Variants in MYOM2 observed in about 807,000 individuals in gnomAD.
The protein encoded by MYOM2 is myomesin 2.
A neutral mutation model predicts 187.6 loss-of-function variants in MYOM2; 254 were observed. The ratio of observed to expected loss-of-function variants is 1.35; its 90% CI spans 1.22 to 1.50. The LOEUF is 1.50. Among genes scored for constraint, MYOM2 ranks in the 40% most tolerant of loss-of-function variants. MYOM2 has a pLI of 0.00. For synonymous variants in MYOM2, 981 were observed against 753.8 expected, an observed-to-expected ratio of 1.30 and a Z score of -4.94; for missense variants, 2,796 against 1,924.0, an observed-to-expected ratio of 1.45 and a Z score of -8.48.
chr8:2,079,604 G>A lies in MYOM2; in HGVS notation c.1507G>A (p.Asp503Asn), dbSNP rs1056963779. 1 of 1,614,038 alleles carries A rather than the reference G, an allele frequency of 6.2e-7. No homozygotes were observed. Among genetic ancestry groups the A allele is most frequent in the African/African-American group, 1.3e-5 (1 of 74,906 alleles). ...GAAGGAGATTGCCATTTATCAGGAT[G>A]ACCTTGAAGGTAAGTAGCACCTCAT... ...GEKEIAIYQD[D>N]LEGDAQVPGP... is the part of the protein sequence containing the mutation. Residue 503 changes from aspartate (D) to asparagine (N), a missense_variant, in exon 13 of 37, where the codon GAC becomes AAC. Transcript: ENST00000262113.
At chr8:2,078,974 C>A (rs199500275) in intron 12 of MYOM2, 41 bp downstream of exon 12, 3 of 1,592,902 alleles carry the variant, frequency 1.9e-6, no homozygotes, top group South Asian at 1.1e-5. Context: ...GCCCAGGAAG[C>A]TTTGGCTGTT....
chr8:2,140,095 C>T (rs1479672493), intron 32 of MYOM2, among the ~76,000 whole-genome samples: 2 of 152,126 alleles, frequency 1.3e-5, no homozygotes, highest in Non-Finnish European at 2.9e-5. Flanking sequence ...CCCCTGGTAC[C>T]CACAGTTCTA....
chr8:2,092,330 T>C lies in MYOM2; in HGVS notation c.1829-16T>C. 1 of 1,612,684 alleles carries C rather than the reference T, an allele frequency of 6.2e-7. No individual in the cohort carries two copies. Among genetic ancestry groups the C allele is most frequent in the African/African-American group, 1.3e-5 (1 of 75,042 alleles). On this transcript the variant is annotated splice_polypyrimidine_tract_variant and intron_variant, in intron 15 of 36. Coordinates refer to ENST00000262113, the MANE Select transcript of MYOM2 (RefSeq NM_003970.4). ...TCTGATGCCATTTCACCACTCCTTTTGTCTCCTACGAAAAGTTGTCCCTTC... is the reference window on the plus strand; with the variant it reads ...TCTGATGCCATTTCACCACTCCTTTCGTCTCCTACGAAAAGTTGTCCCTTC...
chr8:2,094,291 A>C (rs1796408242), intron 17 of MYOM2, among the ~76,000 whole-genome samples, 200 bp downstream of exon 17: 1 of 152,220 alleles, frequency 6.6e-6, no homozygotes, highest in African/African-American at 2.4e-5. Flanking sequence ...GAGAAATGAT[A>C]ATACACTAAT....
At chr8:2,063,795 G>A (rs10110668) in intron 6 of MYOM2, among the ~76,000 whole-genome samples, 55,770 of 152,144 alleles carry the variant, frequency 0.37, 10,507 homozygotes, top group Non-Finnish European at 0.39. Flanking sequence ...TTCTCCCAGG[G>A]GGTTGTTTTA....
chr8:2,086,923 T>C (rs1796112070), intron 14 of MYOM2, among the ~76,000 whole-genome samples: 1 of 150,150 alleles, frequency 6.7e-6, no homozygotes, highest in South Asian at 2.1e-4. Flanking sequence ...ACTCGCCAGA[T>C]ATCCAATAGA....
intron 21 of MYOM2, among the ~76,000 whole-genome samples, chr8:2,105,195 G>A (rs993321180): frequency 2.6e-5 from 4 of 152,146 alleles, no homozygotes; most frequent in African/African-American, 9.7e-5. Context: ...TGACCTGAGT[G>A]TCAGGAAGCA....
intron 3 of MYOM2, among the ~76,000 whole-genome samples, chr8:2,055,131 T>G (rs61635219): frequency 0.1 from 2,292 of 22,010 alleles, 45 homozygotes; most frequent in East Asian, 0.44. Context: ...GATACTGGGG[T>G]AACCAAGTAC....
chr8:2,086,381 GTGGCCTCC>G lies in MYOM2; in HGVS notation c.1644+992_1644+999del, dbSNP rs2116710596. 3.5e-5 allele frequency among the ~76,000 whole-genome samples: 4 copies of G among 113,008 alleles called. 1 individual carries two copies. In the South Asian group the frequency reaches 8.7e-4, roughly 24 times the overall value. The allele number at this position is 113,008 out of a possible 152,430, so 74.1% of individuals were successfully genotyped here. ...GGCCTCCCACTGTTGTGATCTCTGC[GTGGCCTCC>G]CACTGTTGTGATCTCTGCGTGGCCT... On this transcript the variant is annotated intron_variant, in intron 14 of 36. Coordinates refer to ENST00000262113, the MANE Select transcript of MYOM2 (RefSeq NM_003970.4).
intron 31 of MYOM2, among the ~76,000 whole-genome samples, chr8:2,127,309 G>A (rs919155843): frequency 6.6e-6 from 1 of 152,062 alleles, no homozygotes; most frequent in South Asian, 2.1e-4. Flanking sequence ...CTGCCTTACA[G>A]ATTTTCAATA....
intron 23 of MYOM2, among the ~76,000 whole-genome samples, chr8:2,107,165 G>A (rs556174063): frequency 6.6e-6 from 1 of 152,258 alleles, no homozygotes; most frequent in Admixed American, 6.5e-5. Flanking sequence ...GTCTCATGCA[G>A]GCAGGGCTGA....
chr8:2,125,105 T>C lies in MYOM2; in HGVS notation c.3694+888T>C, dbSNP rs143233127. ...TTTTAGTTTTGTGCAGTACCATTTA[T>C]TTACTTTTGCTTTTGTTGCCTGTAT... On this transcript the variant is annotated intron_variant, in intron 31 of 36. Transcript: ENST00000262113. 2.9e-3 allele frequency among the ~76,000 whole-genome samples: 447 copies of C among 152,336 alleles called. 3 individuals carry two copies. Among genetic ancestry groups the C allele is most frequent in the Non-Finnish European group, 5.1e-3 (348 of 68,026 alleles).
At chr8:2,144,514 G>T in intron 36 of MYOM2, 150 bp from the exon 37 acceptor site, 1 of 754,426 alleles carries the variant, frequency 1.3e-6, no homozygotes, top group Non-Finnish European at 2.2e-6. Flanking sequence ...GTCCAGAGCG[G>T]CGCTCATGTA....
At chr8:2,069,047 G>T (rs988526246) in intron 6 of MYOM2, among the ~76,000 whole-genome samples, 36 of 152,312 alleles carry the variant, frequency 2.4e-4, no homozygotes, top group African/African-American at 8.4e-4. Flanking sequence ...TTATTCTTAA[G>T]GCCGAAACTG....
intron 28 of MYOM2, among the ~76,000 whole-genome samples, chr8:2,120,680 T>TATG: frequency 6.2e-5 from 3 of 48,300 alleles, no homozygotes; most frequent in African/African-American, 2.0e-4. Context: ...ATATATTATA[T>TATG]TATATATAAA....
At chr8:2,117,168 T>C (rs1017463650) in intron 27 of MYOM2, among the ~76,000 whole-genome samples, 1 of 152,222 alleles carries the variant, frequency 6.6e-6, no homozygotes, top group East Asian at 1.9e-4. Context: ...TTTTTCATTG[T>C]TTTTATTTCT....
At chr8:2,109,226 G>T in intron 24 of MYOM2, 169 bp from the exon 25 acceptor site, 1 of 792,206 alleles carries the variant, frequency 1.3e-6, no homozygotes, top group Non-Finnish European at 1.9e-6. Context: ...GGCAACAACA[G>T]GCCAGCTCAA....
chr8:2,084,323 C>T (rs1173114963), intron 13 of MYOM2, among the ~76,000 whole-genome samples: 1 of 152,188 alleles, frequency 6.6e-6, no homozygotes, highest in Non-Finnish European at 1.5e-5. Context: ...CGCTGTGCAA[C>T]AGGGCTCAGG....
At chr8:2,117,653 A>C (rs1797293620) in intron 27 of MYOM2, among the ~76,000 whole-genome samples, 1 of 152,182 alleles carries the variant, frequency 6.6e-6, no homozygotes, top group African/African-American at 2.4e-5. Context: ...ATTCCAGTGG[A>C]GAATCAGTGT....
Sources: gnomAD v4.1 joint callset for allele counts (sites outside exome capture counted in the v4.1 genomes callset) on GRCh38, gnomAD v4.1.1 for gene constraint, MANE v1.5 for transcripts, NCBI Gene and HGNC (gene_info 2026-07-23, HGNC 2026-07-21) for gene names.